Variants in AQR observed in about 807,000 individuals in gnomAD.
AQR encodes aquarius intron-binding spliceosomal factor, also known as RNA helicase aquarius.
AQR carries 61 observed loss-of-function variants against 180.5 expected under a neutral mutation model. The ratio of observed to expected loss-of-function variants is 0.34; its 90% CI spans 0.28 to 0.42. AQR has a LOEUF of 0.42. Among genes scored for constraint, AQR ranks in the 10% least tolerant of loss-of-function variants. The pLI is 1.00. For synonymous variants in AQR, 551 were observed against 588.8 expected (o/e 0.94, Z 0.93); for missense variants, 1,281 against 1,798.3 (o/e 0.71, Z 5.20).
In AQR at chr15:34,926,098, C is replaced by T. The variant is rs1477835116; in HGVS notation, c.1118+937G>A. Among the ~76,000 whole-genome samples the T allele has an allele frequency of 2.6e-5, 4 of 151,866 alleles. No homozygotes were observed. The East Asian group carries it at 5.8e-4, about 22-fold the overall frequency. ...AGGAGAATGGCGTGAACCCGGGAGG[C>T]GGAACTTGCAGTGAGCCACTGCAGT... On this transcript the variant is annotated intron_variant, in intron 13 of 34. Coordinates refer to ENST00000156471, the MANE Select transcript of AQR (RefSeq NM_014691.3).
intron 13 of AQR, among the ~76,000 whole-genome samples, chr15:34,923,400 T>A (rs1202405184): frequency 6.6e-6 from 1 of 152,180 alleles, no homozygotes; most frequent in Non-Finnish European, 1.5e-5. Flanking sequence ...GCGTGTTTTT[T>A]AATTCTCTTA....
At chr15:34,895,393 G>A (rs1174842058) in intron 22 of AQR, among the ~76,000 whole-genome samples, 1 of 150,750 alleles carries the variant, frequency 6.6e-6, no homozygotes, top group Non-Finnish European at 1.5e-5. Flanking sequence ...GTCTAAACAC[G>A]CAAGTTGAAA....
rs367899140 is a variant in AQR at position 34,867,134 on chromosome 15, A to G, written c.3854+390T>C. Reference sequence around the variant, plus strand: ...ATGGCTCCTTTATCCTCTAACACTGAGGCTGAAAGATTGTGTATGAGAAAA... The same window carrying G: ...ATGGCTCCTTTATCCTCTAACACTGGGGCTGAAAGATTGTGTATGAGAAAA... On this transcript the variant is annotated intron_variant, in intron 32 of 34. Coordinates refer to ENST00000156471, the MANE Select transcript of AQR (RefSeq NM_014691.3). Among the ~76,000 whole-genome samples, 24 of 152,246 alleles carry G rather than the reference A, an allele frequency of 1.6e-4. 6 individuals carry two copies. The highest frequency in any genetic ancestry group is 3.9e-4 in the East Asian group (2 of 5,184).
intron 34 of AQR, among the ~76,000 whole-genome samples, chr15:34,857,638 C>G (rs935950586): frequency 6.6e-6 from 1 of 152,190 alleles, no homozygotes; most frequent in African/African-American, 2.4e-5. Context: ...GTAATCCCAT[C>G]TACTCAGGAT....
At chr15:34,917,269 A>T (rs1285748338) in intron 15 of AQR, among the ~76,000 whole-genome samples, 3 of 152,216 alleles carry the variant, frequency 2.0e-5, no homozygotes, top group Non-Finnish European at 4.4e-5. Context: ...CATTTTAAGT[A>T]AATATACCAA....
chr15:34,966,553 GTTCT>G (rs2050310482), intron 1 of AQR, among the ~76,000 whole-genome samples: 1 of 152,168 alleles, frequency 6.6e-6, no homozygotes, highest in South Asian at 2.1e-4. Flanking sequence ...ACTACAGTGA[GTTCT>G]TTAAGTCTCT....
Position 34,884,694 on chromosome 15 carries a change from T to A in AQR, c.2858A>T (p.Asn953Ile). 6.2e-7 allele frequency: 1 copy of A among 1,608,274 alleles called. No individual in the cohort carries two copies. Among genetic ancestry groups the A allele is most frequent in the Non-Finnish European group, 8.5e-7 (1 of 1,178,446 alleles). ...RWEEYISKVK[N>I]KGSTLPDVTE... ...AACATCTGGCAATGTACTACCTTTA[T>A]TTTTCACTTTGCTGATATACTCTTC... The change falls in exon 26 of 35, where the codon AAT becomes ATT. Residue 953 changes from asparagine to isoleucine, a missense_variant. Physicochemically the swap from Asn to Ile is moderately radical, Grantham distance 149 (BLOSUM62 -3). Coordinates refer to ENST00000156471, the MANE Select transcript of AQR (RefSeq NM_014691.3).
At chr15:34,919,887 G>T (rs1370537359) in intron 14 of AQR, among the ~76,000 whole-genome samples, 1 of 151,706 alleles carries the variant, frequency 6.6e-6, no homozygotes, top group Admixed American at 6.6e-5. Flanking sequence ...GACAGAGAGA[G>T]ACTCGGTATC....
At chr15:34,893,603 GCGTGCACA>G (rs1184664004) in intron 23 of AQR, 52 bp downstream of exon 23, 32 of 1,257,434 alleles carry the variant, frequency 2.5e-5, no homozygotes, top group South Asian at 1.6e-4. Flanking sequence ...GCATGCGCAT[GCGTGCACA>G]CACACACACA....
chr15:34,852,890 T>A lies in AQR; in HGVS notation c.*3902A>T. The A allele has an allele frequency of 6.6e-6, 1 of 152,218 alleles. No homozygotes were observed. Among genetic ancestry groups the A allele is most frequent in the East Asian group, 1.9e-4 (1 of 5,200 alleles). 9.4% of individuals were successfully genotyped at this position (152,218 alleles called of 1,614,324 possible). A position where few individuals can be genotyped will look rare whatever the true frequency, so the allele number is the denominator to read the frequency against. On this transcript the variant is annotated 3_prime_UTR_variant, in exon 35 of 35. Coordinates refer to ENST00000156471, the MANE Select transcript of AQR (RefSeq NM_014691.3). Reference sequence around the variant, plus strand: ...GCAAGCCAAAAGGTAGAGAGATAAGTGAATAAAGCTGGCACACTGTCAGTC... The same window carrying A: ...GCAAGCCAAAAGGTAGAGAGATAAGAGAATAAAGCTGGCACACTGTCAGTC...
chr15:34,879,024 T>C (rs1892929326), intron 27 of AQR, among the ~76,000 whole-genome samples: 1 of 146,712 alleles, frequency 6.8e-6, no homozygotes, highest in Non-Finnish European at 1.5e-5. Context: ...CAAGGCTCTG[T>C]CTCAAAAAAA....
At chr15:34,871,028 C>A in intron 30 of AQR, 106 bp from the exon 31 acceptor site, 1 of 1,068,974 alleles carries the variant, frequency 9.4e-7, no homozygotes, top group African/African-American at 1.6e-5. Flanking sequence ...TTGCACACTG[C>A]AAGAAGTGAA....
intron 27 of AQR, among the ~76,000 whole-genome samples, chr15:34,876,253 A>C (rs1461171496): frequency 6.6e-6 from 1 of 152,228 alleles, no homozygotes; most frequent in African/African-American, 2.4e-5. Flanking sequence ...ACAACTTTAC[A>C]TTGAAAAGAT....
chr15:34,952,181 C>T (rs183713807), intron 4 of AQR, among the ~76,000 whole-genome samples: 13 of 152,238 alleles, frequency 8.5e-5, no homozygotes, highest in Admixed American at 2.0e-4. Context: ...AGTGGAAAAC[C>T]ATGAGCTTTG....
chr15:34,927,345 CAT>C (rs1893780082), intron 12 of AQR, among the ~76,000 whole-genome samples: 1 of 151,926 alleles, frequency 6.6e-6, no homozygotes, highest in African/African-American at 2.4e-5. Context: ...ATGTAAAAAA[CAT>C]AAAGTTGGCG....
intron 18 of AQR, among the ~76,000 whole-genome samples, chr15:34,904,900 A>AT (rs1411464657): frequency 1.3e-5 from 2 of 151,978 alleles, no homozygotes; most frequent in African/African-American, 4.8e-5. Flanking sequence ...AAATATATGT[A>AT]TTTTAGAATT....
intron 12 of AQR, among the ~76,000 whole-genome samples, chr15:34,928,325 T>G (rs1201900082): frequency 6.6e-6 from 1 of 152,126 alleles, no homozygotes; most frequent in Non-Finnish European, 1.5e-5. Context: ...CCTATTGACC[T>G]GTCCTCTAAA....
chr15:34,870,715 T>C (rs1377334324), intron 31 of AQR, 37 bp downstream of exon 31: 1 of 1,562,292 alleles, frequency 6.4e-7, no homozygotes, highest in South Asian at 1.2e-5. Context: ...CTTGCCAAAA[T>C]GATGAATAAG....
At chr15:34,944,982 C>T (rs928815156) in intron 5 of AQR, among the ~76,000 whole-genome samples, 4 of 152,214 alleles carry the variant, frequency 2.6e-5, no homozygotes, top group African/African-American at 9.6e-5. Flanking sequence ...TTCTCTAAGA[C>T]AAGCTCTCCT....
Sources: gnomAD v4.1 joint callset for allele counts (sites outside exome capture counted in the v4.1 genomes callset) on GRCh38, gnomAD v4.1.1 for gene constraint, MANE v1.5 for transcripts, NCBI Gene and HGNC (gene_info 2026-07-23, HGNC 2026-07-21) for gene names.